The following CNTNAP5 variants were observed in gnomAD, a reference collection of about 807,000 sequenced individuals.
The protein encoded by CNTNAP5 is contactin-associated protein-like 5.
CNTNAP5 carries 72 observed loss-of-function variants against 150.2 expected under a neutral mutation model. The observed-to-expected ratio is 0.48, with a 90% CI of 0.40 to 0.58. The LOEUF (loss-of-function observed/expected upper bound fraction) is 0.58. CNTNAP5 is among the 20% of genes least tolerant of loss of function. CNTNAP5 has a pLI of 0.00. For missense variants in CNTNAP5, 1,636 were observed against 1,626.2 expected (o/e 1.01, Z -0.10); for synonymous variants, 672 against 619.8 (o/e 1.08, Z -1.25).
chr2:124,318,113 G>A (rs2104665580), intron 3 of CNTNAP5, among the ~76,000 whole-genome samples: 1 of 152,280 alleles, frequency 6.6e-6, no homozygotes, highest in South Asian at 2.1e-4. Context: ...GAGGAAAGGA[G>A]TTGCAGTCAG....
At chr2:124,134,791 C>T (rs968396205) in intron 1 of CNTNAP5, among the ~76,000 whole-genome samples, 3 of 152,140 alleles carry the variant, frequency 2.0e-5, no homozygotes, top group African/African-American at 7.2e-5. Flanking sequence ...CTGTCCATTC[C>T]CCAAGACTCT....
intron 1 of CNTNAP5, among the ~76,000 whole-genome samples, chr2:124,202,965 C>T (rs1045123275): frequency 1.3e-5 from 2 of 152,264 alleles, no homozygotes; most frequent in South Asian, 2.1e-4. Flanking sequence ...GCCAATCATA[C>T]CTTCCCAACA....
At chr2:124,811,667 C>T (rs1350267462) in intron 19 of CNTNAP5, among the ~76,000 whole-genome samples, 6 of 138,806 alleles carry the variant, frequency 4.3e-5, no homozygotes, top group East Asian at 2.2e-4. Context: ...ACAGGTCAGG[C>T]GCGGTGGCTC....
rs561892243 is a variant in CNTNAP5, at chr2:124,921,146, A to T, written c.*6858A>T. Reference sequence around the variant, plus strand: ...TTGTTTTCTATGGTTATTGTTGTACAGAAGAAAGACAAACTGTAAATAATG... The same window carrying T: ...TTGTTTTCTATGGTTATTGTTGTACTGAAGAAAGACAAACTGTAAATAATG... On this transcript the variant is annotated 3_prime_UTR_variant, in exon 24 of 24. Transcript: ENST00000682447. Among the ~76,000 whole-genome samples, 11 of 152,302 alleles carry T rather than the reference A, an allele frequency of 7.2e-5. No individual in the cohort carries two copies. In the South Asian group the frequency reaches 2.3e-3, roughly 32 times the overall value.
chr2:124,415,182 C>A (rs1171131444), intron 3 of CNTNAP5, among the ~76,000 whole-genome samples: 1 of 152,126 alleles, frequency 6.6e-6, no homozygotes, highest in Non-Finnish European at 1.5e-5. Context: ...AAGCCATTCT[C>A]CATCTGGATA....
intron 1 of CNTNAP5, among the ~76,000 whole-genome samples, chr2:124,160,158 T>A (rs1361677851): frequency 2.2e-4 from 33 of 152,158 alleles, no homozygotes; most frequent in Admixed American, 2.2e-3. Flanking sequence ...ATAATTCTAG[T>A]CTGAGTCTAA....
chr2:124,039,992 G>C (rs1044577504), intron 1 of CNTNAP5, among the ~76,000 whole-genome samples: 2 of 151,780 alleles, frequency 1.3e-5, no homozygotes, highest in Admixed American at 1.3e-4. Context: ...TATCCCCCAA[G>C]GTCAATATTG....
intron 10 of CNTNAP5, among the ~76,000 whole-genome samples, chr2:124,534,839 G>A (rs1292832156): frequency 1.3e-5 from 2 of 152,128 alleles, no homozygotes; most frequent in African/African-American, 2.4e-5. Flanking sequence ...TTTATGACTT[G>A]TATCTTGTGA....
intron 10 of CNTNAP5, among the ~76,000 whole-genome samples, chr2:124,554,006 G>A (rs1695693118): frequency 1.3e-5 from 2 of 152,208 alleles, no homozygotes; most frequent in Admixed American, 1.3e-4. Context: ...TTTGAATGTA[G>A]AACAGACTTT....
chr2:124,677,985 C>T (rs60302430), intron 13 of CNTNAP5, among the ~76,000 whole-genome samples: 7,256 of 151,990 alleles, frequency 0.048, 578 homozygotes, highest in African/African-American at 0.16. Flanking sequence ...TTCTGCGTTG[C>T]AGTTTTTATC....
chr2:124,762,529 C>A (rs914852241), intron 14 of CNTNAP5, among the ~76,000 whole-genome samples: 1 of 151,994 alleles, frequency 6.6e-6, no homozygotes, highest in Admixed American at 6.6e-5. Context: ...GAGCATTTAC[C>A]GTAGATCAGG....
intron 3 of CNTNAP5, among the ~76,000 whole-genome samples, chr2:124,337,103 A>G (rs868337404): frequency 2.0e-5 from 3 of 151,978 alleles, no homozygotes; most frequent in Non-Finnish European, 2.9e-5. Context: ...TGTGGTTTTG[A>G]TTTGCATTTC....
intron 19 of CNTNAP5, among the ~76,000 whole-genome samples, chr2:124,829,928 A>T (rs10187198): frequency 0.05 from 7,566 of 151,800 alleles, 548 homozygotes; most frequent in African/African-American, 0.16. Flanking sequence ...TATAAAGTTT[A>T]TGTAGTCTTT....
At chr2:124,505,228 T>G (rs959285251) in intron 8 of CNTNAP5, among the ~76,000 whole-genome samples, 2 of 152,078 alleles carry the variant, frequency 1.3e-5, no homozygotes, top group Admixed American at 1.3e-4. Context: ...ATCTTCACCA[T>G]GCTTACGGAA....
At chr2:124,807,824 T>G (rs777034038) in intron 19 of CNTNAP5, among the ~76,000 whole-genome samples, 1 of 152,090 alleles carries the variant, frequency 6.6e-6, no homozygotes, top group Non-Finnish European at 1.5e-5. Context: ...ACGTCTTGCT[T>G]GTAGATCTTC....
chr2:124,646,634 T>C (rs1164029751), intron 12 of CNTNAP5, among the ~76,000 whole-genome samples: 1 of 152,224 alleles, frequency 6.6e-6, no homozygotes, highest in African/African-American at 2.4e-5. Flanking sequence ...GCATGTCCAA[T>C]TGCAGTAAAT....
chr2:124,848,937 TC>T (rs1466382963), intron 19 of CNTNAP5, among the ~76,000 whole-genome samples: 2 of 152,186 alleles, frequency 1.3e-5, no homozygotes, highest in Admixed American at 6.5e-5. Flanking sequence ...ATTCTCTAGG[TC>T]ACGTTTTCAT....
intron 8 of CNTNAP5, among the ~76,000 whole-genome samples, chr2:124,514,165 A>T (rs1694654769): frequency 6.6e-6 from 1 of 152,230 alleles, no homozygotes; most frequent in Non-Finnish European, 1.5e-5. Flanking sequence ...GTTTCAGAAG[A>T]TAGTAACATG....
chr2:124,656,099 C>T lies in CNTNAP5; in HGVS notation c.2077+8141C>T, dbSNP rs1400099722. Reference sequence around the variant, plus strand: ...AAAGAAAAAGTCACTGCCACTAGCCCACATTCCAGGGGAGGGAAATCTGCT... The same window carrying T: ...AAAGAAAAAGTCACTGCCACTAGCCTACATTCCAGGGGAGGGAAATCTGCT... On this transcript the variant is annotated intron_variant, in intron 13 of 23. Coordinates refer to ENST00000682447, the MANE Select transcript of CNTNAP5 (RefSeq NM_001367498.1). 1.2e-4 allele frequency among the ~76,000 whole-genome samples: 18 copies of T among 151,144 alleles called. 1 individual carries two copies. Among genetic ancestry groups the T allele is most frequent in the Admixed American group, 7.9e-4 (12 of 15,174 alleles).
Sources: allele counts gnomAD v4.1 joint callset (sites outside exome capture counted in the v4.1 genomes callset), GRCh38; gene constraint gnomAD v4.1.1; transcripts MANE v1.5; gene names NCBI Gene and HGNC (gene_info 2026-07-23, HGNC 2026-07-21).